SEMA6D: variants seen among roughly 807,000 people sequenced by gnomAD.
SEMA6D encodes semaphorin-6D.
In SEMA6D, 35 loss-of-function variants were observed where a neutral mutation model predicts 106.6. That is an observed-to-expected ratio of 0.33 (90% CI 0.25 to 0.44). SEMA6D has a LOEUF of 0.44. Among genes scored for constraint, SEMA6D ranks in the 20% least tolerant of loss-of-function variants. The probability of loss-of-function intolerance (pLI) is 1.00; values close to 1 mark genes in which losing one functional copy is unlikely to be tolerated. For missense variants in SEMA6D, 1,185 were observed against 1,345.9 expected (o/e 0.88, Z 1.87); for synonymous variants, 499 against 487.7 (o/e 1.02, Z -0.31).
At chr15:47,480,786 T>C (rs940707874) in intron 3 of SEMA6D, among the ~76,000 whole-genome samples, 3 of 152,210 alleles carry the variant, frequency 2.0e-5, no homozygotes, top group Non-Finnish European at 4.4e-5. Flanking sequence ...TAATTCTCTT[T>C]GTATCCTTGT....
At chr15:47,290,710 A>G (rs1263344450) in intron 1 of SEMA6D, among the ~76,000 whole-genome samples, 2 of 152,150 alleles carry the variant, frequency 1.3e-5, no homozygotes. Flanking sequence ...TTGAACAGTA[A>G]CTGAGACATC....
intron 3 of SEMA6D, among the ~76,000 whole-genome samples, chr15:47,553,319 G>A (rs1158191535): frequency 6.6e-6 from 1 of 151,982 alleles, no homozygotes; most frequent in Non-Finnish European, 1.5e-5. Context: ...GAACATAAAT[G>A]TTTTTACTTT....
intron 4 of SEMA6D, among the ~76,000 whole-genome samples, chr15:47,671,789 A>G (rs2078142049): frequency 6.6e-6 from 1 of 152,188 alleles, no homozygotes; most frequent in Admixed American, 6.5e-5. Context: ...AAGCAGCGAT[A>G]AGGCTTGGAA....
Position 47,562,534 on chromosome 15 carries a change from T to C in SEMA6D, c.-86-38331T>C, listed in dbSNP as rs546730862. The stretch of plus-strand genomic sequence containing the variant: ...GAAAAATGTATTTGCAAATCATATA[T>C]CTGGTAAGACTTGAATAGACATCAT... On this transcript the variant is annotated intron_variant, in intron 3 of 19. Coordinates refer to the SEMA6D transcript ENST00000558014. Among the ~76,000 whole-genome samples the C allele has an allele frequency of 7.6e-4, 115 of 152,184 alleles. No individual in the cohort carries two copies. The South Asian group carries it at 0.012, about 16-fold the overall frequency.
intron 4 of SEMA6D, among the ~76,000 whole-genome samples, chr15:47,662,857 G>GCGCGCACA (rs1555405461): frequency 3.0e-5 from 4 of 134,064 alleles, no homozygotes; most frequent in African/African-American, 1.1e-4. Context: ...GTGTATGAGC[G>GCGCGCACA]CACACACACA....
At chr15:47,567,209 C>T (rs2046254362) in intron 3 of SEMA6D, among the ~76,000 whole-genome samples, 2 of 152,064 alleles carry the variant, frequency 1.3e-5, no homozygotes, top group African/African-American at 2.4e-5. Flanking sequence ...TCTGCATTCT[C>T]CATTGTTATT....
At chr15:47,251,045 C>G (rs1455715629) in intron 1 of SEMA6D, among the ~76,000 whole-genome samples, 1 of 152,156 alleles carries the variant, frequency 6.6e-6, no homozygotes, top group Admixed American at 6.5e-5. Context: ...TAAGATCTGT[C>G]TTTGAGAGAG....
At chr15:47,635,609 C>T (rs2077372919) in intron 4 of SEMA6D, among the ~76,000 whole-genome samples, 1 of 152,196 alleles carries the variant, frequency 6.6e-6, no homozygotes, top group Admixed American at 6.5e-5. Flanking sequence ...AAAATGAGAG[C>T]AGTCTTATGG....
chr15:47,619,932 T>G (rs2077069161), intron 4 of SEMA6D, among the ~76,000 whole-genome samples: 1 of 151,518 alleles, frequency 6.6e-6, no homozygotes, highest in African/African-American at 2.4e-5. Context: ...AAAGCTTAGA[T>G]TTTATTATTT....
At chr15:47,552,835 T>TATATAAATATATATAAATAC (rs2045767252) in intron 3 of SEMA6D, among the ~76,000 whole-genome samples, 1 of 82,522 alleles carries the variant, frequency 1.2e-5, no homozygotes, top group African/African-American at 7.7e-5. Context: ...TATTTTTATA[T>TATATAAATATATATAAATAC]ATATATAAAT....
chr15:47,276,961 A>C (rs983403071), intron 1 of SEMA6D, among the ~76,000 whole-genome samples: 1 of 152,170 alleles, frequency 6.6e-6, no homozygotes, highest in Non-Finnish European at 1.5e-5. Flanking sequence ...TTTCAATGAA[A>C]TTGATTCCAA....
intron 1 of SEMA6D, among the ~76,000 whole-genome samples, chr15:47,251,420 A>G (rs1390259414): frequency 6.6e-6 from 1 of 152,108 alleles, no homozygotes; most frequent in African/African-American, 2.4e-5. Context: ...TTTAAAGATG[A>G]CTGTGATCCT....
At chr15:47,258,812 T>C (rs1452688282) in intron 1 of SEMA6D, among the ~76,000 whole-genome samples, 1 of 152,150 alleles carries the variant, frequency 6.6e-6, no homozygotes, top group African/African-American at 2.4e-5. Context: ...TTGGCTCTGT[T>C]TCTCTGGGGA....
At chr15:47,581,276 C>T (rs2076250083) in intron 3 of SEMA6D, 1 of 457,064 alleles carries the variant, frequency 2.2e-6, no homozygotes, top group Non-Finnish European at 4.3e-6. Context: ...CTCCATAAGT[C>T]CTGTGGTTTA....
intron 3 of SEMA6D, among the ~76,000 whole-genome samples, chr15:47,515,037 C>T (rs2141844027): frequency 6.6e-6 from 1 of 152,302 alleles, no homozygotes; most frequent in South Asian, 2.1e-4. Flanking sequence ...CCATTCTTTC[C>T]CTTGCATTCG....
At chr15:47,337,677 G>T (rs1409105028) in intron 1 of SEMA6D, among the ~76,000 whole-genome samples, 2 of 152,112 alleles carry the variant, frequency 1.3e-5, no homozygotes, top group East Asian at 3.9e-4. Flanking sequence ...AGCGTCAGTT[G>T]TCTGAAACAG....
intron 1 of SEMA6D, chr15:47,380,515 A>G (rs535466285): frequency 6.6e-6 from 1 of 152,342 alleles, no homozygotes; most frequent in East Asian, 1.9e-4. Flanking sequence ...ATCCACATCA[A>G]TGCAATTTCC....
At chr15:47,501,756 C>T (rs147696820) in intron 3 of SEMA6D, among the ~76,000 whole-genome samples, 7 of 152,254 alleles carry the variant, frequency 4.6e-5, no homozygotes, top group Admixed American at 4.6e-4. Flanking sequence ...AATTAAATTA[C>T]ATCAGTTAAT....
At chr15:47,308,716 G>T (rs148852715) in intron 1 of SEMA6D, among the ~76,000 whole-genome samples, 1 of 152,280 alleles carries the variant, frequency 6.6e-6, no homozygotes, top group African/African-American at 2.4e-5. Flanking sequence ...CTGACAGAAA[G>T]TTGAAATAAA....
Sources: allele counts gnomAD v4.1 joint callset (sites outside exome capture counted in the v4.1 genomes callset), GRCh38; gene constraint gnomAD v4.1.1; transcripts MANE v1.5; gene names NCBI Gene and HGNC (gene_info 2026-07-23, HGNC 2026-07-21).